Variants in SLC39A11 observed in about 807,000 individuals in gnomAD.
The protein encoded by SLC39A11 is zinc transporter ZIP11.
A neutral mutation model predicts 36.1 loss-of-function variants in SLC39A11; 33 were observed. That is an observed-to-expected ratio of 0.91 (90% CI 0.69 to 1.22). SLC39A11 has a LOEUF of 1.22. Among genes scored for constraint, SLC39A11 ranks in the 50% most tolerant of loss-of-function variants. The pLI is 0.00. For synonymous variants in SLC39A11, 166 were observed against 170.3 expected (o/e 0.97, Z 0.20); for missense variants, 432 against 430.3 (o/e 1.00, Z -0.03).
intron 4 of SLC39A11, among the ~76,000 whole-genome samples, chr17:72,977,349 G>A (rs901720190): frequency 5.3e-5 from 8 of 152,184 alleles, no homozygotes; most frequent in African/African-American, 1.7e-4. Context: ...ATGAGAACAC[G>A]ACCGGCTGAC....
At chr17:72,800,647 G>A (rs755016830) in intron 6 of SLC39A11, among the ~76,000 whole-genome samples, 9 of 152,098 alleles carry the variant, frequency 5.9e-5, no homozygotes, top group African/African-American at 9.7e-5. Context: ...GAGACTTGGC[G>A]GCTGGGGGTC....
chr17:72,809,952 T>C (rs1429134844), intron 6 of SLC39A11, among the ~76,000 whole-genome samples: 2 of 151,848 alleles, frequency 1.3e-5, no homozygotes, highest in African/African-American at 2.4e-5. Context: ...TAATCCCAGC[T>C]ACTTGGGAGG....
chr17:72,710,613 G>A (rs1598411373), intron 7 of SLC39A11, among the ~76,000 whole-genome samples: 1 of 152,272 alleles, frequency 6.6e-6, no homozygotes, highest in Non-Finnish European at 1.5e-5. Context: ...CTCTAGAACT[G>A]TGAGAAATAA....
Position 72,776,439 on chromosome 17 carries a change from T to A in SLC39A11, c.602-39720A>T, listed in dbSNP as rs188602323. Among the ~76,000 whole-genome samples, 395 of 152,330 alleles carry A rather than the reference T, an allele frequency of 2.6e-3. 1 individual carries two copies. Among genetic ancestry groups the A allele is most frequent in the Non-Finnish European group, 4.9e-3 (332 of 68,030 alleles). ...TGCAATGCTTGACTTTATATTATTA[T>A]ACTTATCTGTGTTATTTTAGTTTTG... On this transcript the variant is annotated intron_variant, in intron 6 of 9. Transcript: ENST00000255559.
intron 4 of SLC39A11, chr17:72,992,851 T>A (rs943248476): frequency 6.6e-6 from 1 of 152,036 alleles, no homozygotes; most frequent in Non-Finnish European, 1.5e-5. Flanking sequence ...CACCCGAGAC[T>A]GGGTAATTTA....
At chr17:72,783,773 G>C (rs1406902416) in intron 6 of SLC39A11, among the ~76,000 whole-genome samples, 1 of 152,218 alleles carries the variant, frequency 6.6e-6, no homozygotes, top group Admixed American at 6.5e-5. Context: ...GGAATAGTCA[G>C]AGTTAACAGG....
At chr17:72,719,873 C>A (rs1353119401) in intron 7 of SLC39A11, among the ~76,000 whole-genome samples, 1 of 152,102 alleles carries the variant, frequency 6.6e-6, no homozygotes, top group Non-Finnish European at 1.5e-5. Flanking sequence ...TTGTGCTGCT[C>A]ATGGAGGAGA....
intron 6 of SLC39A11, among the ~76,000 whole-genome samples, chr17:72,740,745 C>A (rs1360974742): frequency 6.6e-6 from 1 of 152,106 alleles, no homozygotes; most frequent in Non-Finnish European, 1.5e-5. Flanking sequence ...TGAGGAGATG[C>A]TCAGTGTCAC....
intron 7 of SLC39A11, among the ~76,000 whole-genome samples, chr17:72,722,680 G>A (rs1334011671): frequency 1.3e-5 from 2 of 151,914 alleles, no homozygotes; most frequent in African/African-American, 4.8e-5. Flanking sequence ...TGTTGCCCAG[G>A]CTGGAGTACA....
At chr17:72,719,305 T>C (rs908244711) in intron 7 of SLC39A11, among the ~76,000 whole-genome samples, 2 of 152,182 alleles carry the variant, frequency 1.3e-5, no homozygotes, top group Admixed American at 1.3e-4. Context: ...TTCCCCTGCC[T>C]CCCGAGGCCC....
In SLC39A11 at chr17:73,037,021, ATG is replaced by A. The variant is rs2058943231; in HGVS notation, c.148-5309_148-5308del. 2.5e-3 allele frequency among the ~76,000 whole-genome samples: 3 copies of A among 1,198 alleles called. No homozygotes were observed. The Non-Finnish European group carries it at 0.043, about 17-fold the overall frequency. 0.8% of individuals were successfully genotyped at this position (1,198 alleles called of 152,430 possible). A position where few individuals can be genotyped will look rare whatever the true frequency, so the allele number is the denominator to read the frequency against. On this transcript the variant is annotated intron_variant, in intron 3 of 9. Transcript: ENST00000255559. ...ATTGGCTTCTTTCACTTGGTTTTTA[ATG>A]CATTTAAGATTCCTCCATGTCTTCT... is the stretch of plus-strand genomic sequence containing the variant.
At chr17:72,759,100 A>G (rs1477016933) in intron 6 of SLC39A11, among the ~76,000 whole-genome samples, 1 of 148,938 alleles carries the variant, frequency 6.7e-6, no homozygotes, top group Non-Finnish European at 1.5e-5. Context: ...GATTTCATCT[A>G]AAAATAATAA....
intron 3 of SLC39A11, among the ~76,000 whole-genome samples, chr17:73,079,169 C>T (rs542299130): frequency 1.3e-5 from 2 of 152,152 alleles, no homozygotes; most frequent in Non-Finnish European, 2.9e-5. Flanking sequence ...GCAATCTTGG[C>T]TCACTGCAAC....
intron 4 of SLC39A11, among the ~76,000 whole-genome samples, chr17:72,959,229 C>A (rs2086439506): frequency 6.7e-6 from 1 of 150,360 alleles, no homozygotes; most frequent in South Asian, 2.1e-4. Context: ...ATGTTTGTAG[C>A]AGCACAATTT....
chr17:72,660,800 T>C (rs533031409), intron 7 of SLC39A11, among the ~76,000 whole-genome samples: 1 of 152,180 alleles, frequency 6.6e-6, no homozygotes, highest in Non-Finnish European at 1.5e-5. Flanking sequence ...TTCTGTGCAG[T>C]GTAGGATGCT....
rs370496907 is a variant in SLC39A11 at position 73,073,006 on chromosome 17, T to C, written c.147+11802A>G. ...ACCAGCCTGGCCAACATGGTGAAAC[T>C]CCATCTCTACTAAAAATACAAAAAT... On this transcript the variant is annotated intron_variant, in intron 3 of 9. Coordinates refer to ENST00000255559, the MANE Select transcript of SLC39A11 (RefSeq NM_139177.4). Among the ~76,000 whole-genome samples the C allele has an allele frequency of 2.9e-4, 44 of 152,140 alleles. No homozygotes were observed. In the East Asian group the frequency reaches 4.7e-3, roughly 16 times the overall value.
intron 7 of SLC39A11, among the ~76,000 whole-genome samples, chr17:72,693,064 A>G (rs2144459731): frequency 6.6e-6 from 1 of 152,348 alleles, no homozygotes; most frequent in African/African-American, 2.4e-5. Context: ...CTTATAAACC[A>G]AACATCTGGA....
intron 6 of SLC39A11, among the ~76,000 whole-genome samples, chr17:72,841,790 G>A (rs2078824696): frequency 6.6e-6 from 1 of 152,138 alleles, no homozygotes; most frequent in African/African-American, 2.4e-5. Context: ...GGCCAGGCGA[G>A]GTGGCTCACA....
chr17:72,669,819 C>A (rs1364755218), intron 7 of SLC39A11, among the ~76,000 whole-genome samples: 1 of 151,878 alleles, frequency 6.6e-6, no homozygotes, highest in African/African-American at 2.4e-5. Context: ...CATAGGGAGA[C>A]CCCCATCTCT....
Sources: gnomAD v4.1 joint callset for allele counts (sites outside exome capture counted in the v4.1 genomes callset) on GRCh38, gnomAD v4.1.1 for gene constraint, MANE v1.5 for transcripts, NCBI Gene and HGNC (gene_info 2026-07-23, HGNC 2026-07-21) for gene names.